CFAP74: variants seen among roughly 807,000 people sequenced by gnomAD.
CFAP74 encodes the protein cilia- and flagella-associated protein 74.
Under a neutral mutation model 188.9 loss-of-function variants are expected in CFAP74, and 124 were observed. The ratio of observed to expected loss-of-function variants is 0.66; its 90% CI spans 0.57 to 0.76. The LOEUF (loss-of-function observed/expected upper bound fraction) is 0.76. Ranked by LOEUF, CFAP74 falls within the 30% of genes least tolerant of loss-of-function variation. The pLI, the probability that CFAP74 is intolerant of heterozygous loss-of-function variation, is 0.00. For synonymous variants in CFAP74, 956 were observed against 916.7 expected (o/e 1.04, Z -0.77); for missense variants, 2,198 against 2,165.2 (o/e 1.02, Z -0.30).
At chr1:1,966,554 A>G (rs1256286100) in intron 11 of CFAP74, 28 bp from the exon 12 acceptor site, 1 of 1,497,274 alleles carries the variant, frequency 6.7e-7, no homozygotes, top group East Asian at 2.4e-5. Flanking sequence ...AACATCGCAA[A>G]GACACGCTCA....
chr1:1,943,697 G>A (rs1039519764), intron 21 of CFAP74, among the ~76,000 whole-genome samples: 2 of 152,312 alleles, frequency 1.3e-5, no homozygotes, highest in South Asian at 2.1e-4. Context: ...GACTCTGGCC[G>A]GGCCCAGGCG....
chr1:1,939,516 G>T, intron 24 of CFAP74, 78 bp downstream of exon 24: 2 of 1,384,682 alleles, frequency 1.4e-6, no homozygotes, highest in South Asian at 1.3e-5. Context: ...GGGGACCCTG[G>T]AGCAGTGGCC....
intron 23 of CFAP74, 121 bp from the exon 24 acceptor site, chr1:1,939,888 C>T (rs760095624): frequency 1.4e-4 from 137 of 953,652 alleles, no homozygotes; most frequent in Non-Finnish European, 1.9e-4. Flanking sequence ...TTCCAGGACA[C>T]GACGAGGCCG....
intron 25 of CFAP74, among the ~76,000 whole-genome samples, chr1:1,932,083 A>C (rs1330553950): frequency 8.0e-5 from 5 of 62,388 alleles, no homozygotes; most frequent in African/African-American, 1.2e-4. Context: ...AAAAAAACAA[A>C]AAACAAAAAA....
At chr1:1,938,777 G>C in intron 25 of CFAP74, 78 bp downstream of exon 25, 4 of 1,466,640 alleles carry the variant, frequency 2.7e-6, no homozygotes, top group Non-Finnish European at 3.7e-6. Context: ...GGGCGGGGAT[G>C]TGGTGGAGCT....
At chr1:1,938,382 G>C (rs1193266916) in intron 25 of CFAP74, among the ~76,000 whole-genome samples, 2 of 149,522 alleles carry the variant, frequency 1.3e-5, no homozygotes, top group Admixed American at 6.7e-5. Flanking sequence ...CCACCTACGT[G>C]TACTCACATA....
At chr1:1,988,845 C>T (rs1570985232) in intron 3 of CFAP74, 44 bp downstream of exon 3, 1 of 397,118 alleles carries the variant, frequency 2.5e-6, no homozygotes, top group Non-Finnish European at 4.7e-6. Flanking sequence ...CACCCCCACC[C>T]CCACCCCCCC....
chr1:1,954,419 G>A (rs1654397909), intron 18 of CFAP74: 1 of 152,274 alleles, frequency 6.6e-6, no homozygotes, highest in Non-Finnish European at 1.5e-5. Context: ...ATGTGGCAGT[G>A]ACAGCCACGC....
intron 18 of CFAP74, among the ~76,000 whole-genome samples, chr1:1,948,121 T>G (rs28498068): frequency 0.31 from 47,049 of 152,046 alleles, 8,524 homozygotes; most frequent in African/African-American, 0.51. Flanking sequence ...TCTGCCCACC[T>G]TGGCCTCCCA....
intron 21 of CFAP74, among the ~76,000 whole-genome samples, chr1:1,943,925 C>T (rs1169517306): frequency 1.3e-5 from 2 of 152,196 alleles, no homozygotes; most frequent in Admixed American, 6.5e-5. Context: ...GGCTCGGGGC[C>T]CTTCCTCCAT....
chr1:1,945,131 C>A (rs1431121835), intron 20 of CFAP74, among the ~76,000 whole-genome samples: 1 of 151,910 alleles, frequency 6.6e-6, no homozygotes, highest in Non-Finnish European at 1.5e-5. Context: ...TGTGGTGAGA[C>A]CCCCGTCTCT....
At chr1:1,926,098 C>T in intron 32 of CFAP74, 130 bp downstream of exon 32, 1 of 1,413,580 alleles carries the variant, frequency 7.1e-7, no homozygotes, top group South Asian at 1.5e-5. Context: ...GGCCTGGGGG[C>T]CAGGCTGCTC....
intron 1 of CFAP74, among the ~76,000 whole-genome samples, chr1:1,996,291 T>C (rs187282513): frequency 4.6e-4 from 70 of 152,256 alleles, no homozygotes; most frequent in African/African-American, 1.4e-3. Context: ...GCCCAAACTC[T>C]CTACAGTTTA....
rs752037325 is a variant in CFAP74, at chr1:1,955,796, A to T, written c.2071T>A (p.Phe691Ile). 1 of 1,614,206 alleles carries T rather than the reference A, an allele frequency of 6.2e-7. No homozygotes were observed. Among genetic ancestry groups the T allele is most frequent in the South Asian group, 1.1e-5 (1 of 91,088 alleles). The change falls in exon 18 of 39, where the codon TTC (phenylalanine) becomes ATC (isoleucine). Residue 691 changes from phenylalanine (F) to isoleucine (I), a missense_variant. Physicochemically the swap from Phe to Ile is conservative, Grantham distance 21. Transcript: ENST00000682832. ...KSLYDKAATS[F>I]SEQQLEGTES... Reference sequence around the variant, plus strand: ...GTGCCCTCTAGCTGCTGCTCAGAGAAGCTGGTGGCGGCTTTGTCATACAAG... The same window carrying T: ...GTGCCCTCTAGCTGCTGCTCAGAGATGCTGGTGGCGGCTTTGTCATACAAG...
In CFAP74 at chr1:1,940,319, G is replaced by A. The variant is rs1479448803; in HGVS notation, c.2700C>T (p.Asp900=). 2.0e-6 allele frequency: 3 copies of A among 1,535,610 alleles called. No individual in the cohort carries two copies. The Admixed American group carries it at 5.9e-5, about 30-fold the overall frequency. Residue 900 remains aspartate (D), a synonymous_variant, in exon 23 of 39, where the codon GAC becomes GAT. Coordinates refer to ENST00000682832, the MANE Select transcript of CFAP74 (RefSeq NM_001304360.2). ...TGGGAAGTGCCCCAACACAGACCTGGTCGGCAACCCATATGGTCATCGGGG... is the reference window on the plus strand; with the variant it reads ...TGGGAAGTGCCCCAACACAGACCTGATCGGCAACCCATATGGTCATCGGGG... The part of the protein sequence containing the change: ...LEAPMTIWVA[D]QNKPVGFTVH...
In CFAP74 at chr1:1,968,019, AATG is replaced by A. The variant is rs1655599888; in HGVS notation, c.1245+613_1245+615del. On this transcript the variant is annotated intron_variant, in intron 11 of 38. Coordinates refer to ENST00000682832, the MANE Select transcript of CFAP74 (RefSeq NM_001304360.2). The surrounding 1 kb of genome is among the most constrained non-coding windows in gnomAD (Gnocchi z 4.3). ...GAATGAGTGAGCGAATGAGTGAATG[AATG>A]AGTGAATGAGTGAATGAATAAGTGT... Among the ~76,000 whole-genome samples, 7 of 151,878 alleles carry A rather than the reference AATG, an allele frequency of 4.6e-5. No homozygotes were observed. Among genetic ancestry groups the A allele is most frequent in the African/African-American group, 1.7e-4 (7 of 41,200 alleles).
intron 12 of CFAP74, 42 bp from the exon 13 acceptor site, chr1:1,965,103 C>T (rs925195906): frequency 2.5e-6 from 4 of 1,588,224 alleles, no homozygotes; most frequent in Non-Finnish European, 3.4e-6. Context: ...TTAGCGGCTC[C>T]ACCTGGGCGG....
chr1:1,932,288 T>C (rs1413319965), intron 25 of CFAP74, among the ~76,000 whole-genome samples: 2 of 150,598 alleles, frequency 1.3e-5, no homozygotes, highest in African/African-American at 4.9e-5. Flanking sequence ...TCCCAGCTAT[T>C]TGGGAGGCTG....
rs559644426 is a variant in CFAP74, at chr1:1,998,289, G to T, written c.-20+5412C>A. On this transcript the variant is annotated intron_variant, in intron 1 of 38. Coordinates refer to ENST00000682832, the MANE Select transcript of CFAP74 (RefSeq NM_001304360.2). ...CGAGACTTCATCTCAAAAAAAACAA[G>T]AAATTATTAATTGTATTGGGGTTGA... Among the ~76,000 whole-genome samples the T allele has an allele frequency of 8.5e-4, 130 of 152,168 alleles. 1 individual carries two copies. Among genetic ancestry groups the T allele is most frequent in the African/African-American group, 3.0e-3 (125 of 41,512 alleles).
Sources: allele counts gnomAD v4.1 joint callset (sites outside exome capture counted in the v4.1 genomes callset), GRCh38; gene constraint gnomAD v4.1.1; non-coding constraint Gnocchi (gnomAD v3.1); transcripts MANE v1.5; gene names NCBI Gene and HGNC (gene_info 2026-07-23, HGNC 2026-07-21).